The following KRT83 variants were observed in gnomAD, a reference collection of about 807,000 sequenced individuals.
KRT83 encodes the protein keratin, type II cuticular Hb3.
A neutral mutation model predicts 52.9 loss-of-function variants in KRT83; 51 were observed. The observed-to-expected ratio is 0.96, with a 90% CI of 0.77 to 1.22. The LOEUF (loss-of-function observed/expected upper bound fraction) is 1.22, where lower values mean the gene tolerates loss of function less well. Ranked by LOEUF, KRT83 falls within the 50% of genes most tolerant of loss-of-function variation. KRT83 has a pLI of 0.00. For synonymous variants in KRT83, 278 were observed against 274.1 expected, an observed-to-expected ratio of 1.01 and a Z score of -0.14; for missense variants, 654 against 666.5, an observed-to-expected ratio of 0.98 and a Z score of 0.21.
At chr12:52,316,408 C>G in intron 6 of KRT83, 60 bp downstream of exon 6, 1 of 1,612,576 alleles carries the variant, frequency 6.2e-7, no homozygotes, top group Non-Finnish European at 8.5e-7. Context: ...ACTCAAATCC[C>G]TCTGCCGAGG....
At position 52,319,276 on chromosome 12, in the gene KRT83, G is replaced by T. The variant is rs145476924; in HGVS notation, c.473C>A (p.Pro158His). Residue 158 changes from proline to histidine, a missense_variant, in exon 2 of 9, where the codon CCC becomes CAC. By Grantham distance (77) the Pro-to-His change is moderately conservative (BLOSUM62 -2). Coordinates refer to ENST00000293670, the MANE Select transcript of KRT83 (RefSeq NM_002282.3). ...AGTCTCGATGTAGCCAGCAAACAGG[G>T]GCTCCAGGTTACTCTGGCAGCACTC... ...NRECCQSNLE[P>H]LFAGYIETLR... 6.2e-7 allele frequency: 1 copy of T among 1,614,036 alleles called. No homozygotes were observed.
Position 52,317,918 on chromosome 12 carries a change from G to T in KRT83, c.646C>A (p.Leu216Ile). 1.2e-6 allele frequency: 2 copies of T among 1,614,174 alleles called. No homozygotes were observed. The highest frequency in any genetic ancestry group is 8.5e-7 in the Non-Finnish European group (1 of 1,180,020). Residue 216 changes from leucine to isoleucine, a missense_variant, in exon 3 of 9, where the codon CTA (leucine) becomes ATA (isoleucine). By Grantham distance (5) the Leu-to-Ile change is conservative. Coordinates refer to ENST00000293670, the MANE Select transcript of KRT83 (RefSeq NM_002282.3). ...AGCTGGGCTTCACTCACCTTCTTTA[G>T]AGCCACAAACTCGTTCTCTGCTGTG... The part of the protein sequence containing the change: ...RATAENEFVA[L>I]KKDVDCAYLR...
rs751030658 is a variant in KRT83 at position 52,317,042 on chromosome 12, G to T, written c.751-19C>A. ...GGATCTCCTGCAGGAGGTGGGGAAA[G>T]GAAGGACAACTCACTTATCTGGGCT... On this transcript the variant is annotated intron_variant, in intron 4 of 8. Coordinates refer to ENST00000293670, the MANE Select transcript of KRT83 (RefSeq NM_002282.3). 6.2e-7 allele frequency: 1 copy of T among 1,614,210 alleles called. No homozygotes were observed. Among genetic ancestry groups the T allele is most frequent in the East Asian group, 2.2e-5 (1 of 44,882 alleles).
intron 4 of KRT83, 122 bp downstream of exon 4, chr12:52,317,559 C>T (rs983809805): frequency 8.6e-6 from 10 of 1,169,432 alleles, no homozygotes; most frequent in South Asian, 1.2e-5. Context: ...TCCCTGCCAA[C>T]CCTCCAGCCG....
rs1938651637 is a variant in KRT83, at chr12:52,314,322, A to G, written c.*309T>C. On this transcript the variant is annotated 3_prime_UTR_variant, in exon 9 of 9. Transcript: ENST00000293670. ...CAAAGCAGGTCCCCAAGTTTATTGG[A>G]AAAGGGGAGACAAGAGGCCAGAGAG... The G allele has an allele frequency of 1.5e-5, 7 of 469,836 alleles. No homozygotes were observed. The East Asian group carries it at 2.4e-4, about 16-fold the overall frequency. The allele number at this position is 469,836 out of a possible 1,614,324, so 29.1% of individuals were successfully genotyped here. A position where few individuals can be genotyped will look rare whatever the true frequency, so the allele number is the denominator to read the frequency against.
chr12:52,319,509 C>A, intron 1 of KRT83, 145 bp from the exon 2 acceptor site: 1 of 1,185,204 alleles, frequency 8.4e-7, no homozygotes, highest in South Asian at 1.3e-5. Context: ...CTCAAAAATG[C>A]CACCAGGGCT....
Position 52,316,915 on chromosome 12 carries a change from A to G in KRT83, c.859T>C (p.Tyr287His). 3.1e-6 allele frequency: 5 copies of G among 1,614,168 alleles called. No individual in the cohort carries two copies. The highest frequency in any genetic ancestry group is 3.4e-6 in the Non-Finnish European group (4 of 1,180,036). The change falls in exon 5 of 9, where the codon TAT (tyrosine) becomes CAT (histidine). Residue 287 changes from tyrosine (Y) to histidine (H), a missense_variant. Tyr to His is a moderately conservative substitution (Grantham distance 83). Transcript: ENST00000293670. The part of the protein sequence containing the change: ...DCIVAEIKAQ[Y>H]DDIATRSRAE... ...CGGCTACGGGTGGCAATGTCATCAT[A>G]CTGTGCCTTGATCTCGGCAACGATG... is the stretch of plus-strand genomic sequence containing the variant.
chr12:52,317,819 G>A, intron 3 of KRT83, 43 bp from the exon 4 acceptor site: 1 of 1,612,858 alleles, frequency 6.2e-7, no homozygotes, highest in Non-Finnish European at 8.5e-7. Context: ...TTTCCTCAGA[G>A]GGCTCTGAGG....
intron 1 of KRT83, 88 bp from the exon 2 acceptor site, chr12:52,319,452 C>G (rs557789538): frequency 6.4e-7 from 1 of 1,564,008 alleles, no homozygotes; most frequent in African/African-American, 1.4e-5. Context: ...TGAAAGCCCC[C>G]AACTCTCTGA....
chr12:52,319,310 G>A lies in KRT83; in HGVS notation c.439C>T (p.Gln147Ter), dbSNP rs1178240086. The change falls in exon 2 of 9, where the codon CAA becomes TAA. Residue 147 changes from glutamine to a stop codon, truncating the protein, a stop_gained. Transcript: ENST00000293670. LOFTEE classifies it high-confidence loss of function. ...TTACTCTGGCAGCACTCGCGGTTTT[G>A]GTAGAACTGCAGCTTTGTCTCCAGC... is the stretch of plus-strand genomic sequence containing the variant. ...KLLETKLQFY[Q>*]NRECCQSNLE... The A allele has an allele frequency of 1.2e-6, 2 of 1,614,106 alleles. No individual in the cohort carries two copies. The highest frequency in any genetic ancestry group is 2.2e-5 in the South Asian group (2 of 91,090).
At chr12:52,314,951 G>A in intron 8 of KRT83, 133 bp from the exon 9 acceptor site, 4 of 553,146 alleles carry the variant, frequency 7.2e-6, no homozygotes, top group Non-Finnish European at 1.2e-5. Context: ...TCTGAAGGAG[G>A]GAACCCTAGC....
In KRT83 at chr12:52,317,807, G is replaced by A. The variant is rs1296488320; in HGVS notation, c.655-31C>T. On this transcript the variant is annotated intron_variant, in intron 3 of 8. Coordinates refer to ENST00000293670, the MANE Select transcript of KRT83 (RefSeq NM_002282.3). ...TGGGGTAGAAGGGGCTGTGAGGCCG[G>A]CTTTCCTCAGAGGGCTCTGAGGACC... 3 of 1,612,996 alleles carry A rather than the reference G, an allele frequency of 1.9e-6. No individual in the cohort carries two copies. In the African/African-American group the frequency reaches 4.0e-5, roughly 22 times the overall value.
At chr12:52,315,068 A>G (rs1334489528) in intron 8 of KRT83, among the ~76,000 whole-genome samples, 1 of 152,186 alleles carries the variant, frequency 6.6e-6, no homozygotes, top group Non-Finnish European at 1.5e-5. Context: ...GGTGAAGGTT[A>G]TGAATGACAT....
At chr12:52,320,590 C>T (rs1204104776) in intron 1 of KRT83, among the ~76,000 whole-genome samples, 1 of 152,236 alleles carries the variant, frequency 6.6e-6, no homozygotes, top group Non-Finnish European at 1.5e-5. Flanking sequence ...TCCAGCACCA[C>T]ACTTATTAGC....
intron 5 of KRT83, 44 bp downstream of exon 5, chr12:52,316,815 C>T (rs778363276): frequency 3.1e-6 from 5 of 1,614,024 alleles, no homozygotes; most frequent in South Asian, 2.2e-5. Context: ...CCTCACATCC[C>T]TCCCACTGCC....
At chr12:52,316,669 A>G (rs1938693147) in intron 5 of KRT83, 76 bp from the exon 6 acceptor site, 6 of 1,611,764 alleles carry the variant, frequency 3.7e-6, no homozygotes, top group Non-Finnish European at 1.7e-6. Context: ...ATGATTGCAC[A>G]GATTGTGCAG....
intron 2 of KRT83, 115 bp downstream of exon 2, chr12:52,319,041 G>T (rs561370538): frequency 6.7e-7 from 1 of 1,503,496 alleles, no homozygotes; most frequent in East Asian, 2.3e-5. Flanking sequence ...AGGGGGTACA[G>T]GTTCTTCTCC....
intron 6 of KRT83, 99 bp downstream of exon 6, chr12:52,316,369 C>T: frequency 5.2e-6 from 8 of 1,542,358 alleles, no homozygotes; most frequent in Non-Finnish European, 7.2e-6. Flanking sequence ...ACCCATGAGA[C>T]TGCACTGGGA....
At chr12:52,318,593 A>T (rs1938723992) in intron 2 of KRT83, among the ~76,000 whole-genome samples, 1 of 152,126 alleles carries the variant, frequency 6.6e-6, no homozygotes, top group African/African-American at 2.4e-5. Flanking sequence ...TGGGGAGTCC[A>T]TGGAGAGAAT....
Sources: gnomAD v4.1 joint callset for allele counts (sites outside exome capture counted in the v4.1 genomes callset) on GRCh38, gnomAD v4.1.1 for gene constraint, MANE v1.5 for transcripts, NCBI Gene and HGNC (gene_info 2026-07-23, HGNC 2026-07-21) for gene names.